Variants in KHDRBS2 observed in about 807,000 individuals in gnomAD.
KHDRBS2 encodes KH RNA binding domain containing, signal transduction associated 2.
KHDRBS2 carries 26 observed loss-of-function variants against 44.3 expected under a neutral mutation model. The ratio of observed to expected loss-of-function variants is 0.59; its 90% CI spans 0.43 to 0.81. KHDRBS2 has a LOEUF of 0.81. Among genes scored for constraint, KHDRBS2 ranks in the 40% least tolerant of loss-of-function variants. KHDRBS2 has a pLI of 0.00. For missense variants in KHDRBS2, 476 were observed against 433.1 expected, an observed-to-expected ratio of 1.10 and a Z score of -0.88; for synonymous variants, 194 against 151.1, an observed-to-expected ratio of 1.28 and a Z score of -2.08.
intron 2 of KHDRBS2, among the ~76,000 whole-genome samples, chr6:62,129,689 AAATT>A (rs1309575930): frequency 6.6e-6 from 1 of 152,150 alleles, no homozygotes; most frequent in Non-Finnish European, 1.5e-5. Context: ...ATTTAAATTT[AAATT>A]AATTGAATTA....
intron 7 of KHDRBS2, among the ~76,000 whole-genome samples, chr6:61,721,375 G>A (rs1772503944): frequency 6.6e-6 from 1 of 151,848 alleles, no homozygotes; most frequent in Admixed American, 6.6e-5. Flanking sequence ...CGGGCAGTAT[G>A]GCCATTTTCA....
the KHDRBS2 span, among the ~76,000 whole-genome samples, chr6:61,616,221 A>T: frequency 6.6e-6 from 1 of 152,124 alleles, no homozygotes; most frequent in African/African-American, 2.4e-5. Context: ...CAAAAGTGTA[A>T]CCAAACTTCC....
At chr6:62,119,944 G>A (rs1279892353) in intron 2 of KHDRBS2, among the ~76,000 whole-genome samples, 2 of 152,070 alleles carry the variant, frequency 1.3e-5, no homozygotes, top group Non-Finnish European at 2.9e-5. Context: ...GACCCACAAG[G>A]CAGTGCACTA....
chr6:61,786,576 A>G (rs1310743202), intron 6 of KHDRBS2, among the ~76,000 whole-genome samples: 2 of 152,008 alleles, frequency 1.3e-5, no homozygotes, highest in Non-Finnish European at 2.9e-5. Context: ...CAAAGTAACT[A>G]TGGAATCTGA....
chr6:62,106,075 C>T (rs957185339), intron 2 of KHDRBS2, among the ~76,000 whole-genome samples: 372 of 152,168 alleles, frequency 2.4e-3, no homozygotes, highest in Non-Finnish European at 3.9e-3. Flanking sequence ...AGTTTCCATG[C>T]AGTTGAGCAG....
intron 4 of KHDRBS2, 54 bp from the exon 5 acceptor site, chr6:61,901,425 GT>G: frequency 3.0e-5 from 38 of 1,266,258 alleles, no homozygotes; most frequent in Non-Finnish European, 3.7e-5. Flanking sequence ...CGTTCTCAGA[GT>G]TGGAAAAAAA....
intron 1 of KHDRBS2, among the ~76,000 whole-genome samples, chr6:62,213,914 T>C (rs1829550217): frequency 7.2e-6 from 1 of 138,472 alleles, no homozygotes; most frequent in Non-Finnish European, 1.6e-5. Flanking sequence ...GAATGAAGTA[T>C]CTTAGCCAAC....
At chr6:61,823,396 T>C (rs905145305) in intron 6 of KHDRBS2, among the ~76,000 whole-genome samples, 2 of 152,102 alleles carry the variant, frequency 1.3e-5, no homozygotes, top group African/African-American at 4.8e-5. Flanking sequence ...AGAATATCAT[T>C]GCTATTCTTT....
At chr6:62,120,124 C>T (rs993471885) in intron 2 of KHDRBS2, among the ~76,000 whole-genome samples, 4 of 152,110 alleles carry the variant, frequency 2.6e-5, no homozygotes, top group African/African-American at 9.7e-5. Flanking sequence ...TTTAATGTTG[C>T]AACTCATGGA....
chr6:61,795,888 T>C (rs1180898778), intron 6 of KHDRBS2, among the ~76,000 whole-genome samples: 1 of 152,108 alleles, frequency 6.6e-6, no homozygotes, highest in African/African-American at 2.4e-5. Context: ...TTTACTATCT[T>C]AGGATTCTCC....
At chr6:61,631,139 A>G in the KHDRBS2 span, among the ~76,000 whole-genome samples, 1 of 151,998 alleles carries the variant, frequency 6.6e-6, no homozygotes, top group African/African-American at 2.4e-5. Flanking sequence ...TGGCATCAGG[A>G]TCAGCAACAC....
At chr6:61,822,079 T>G (rs1038502318) in intron 6 of KHDRBS2, among the ~76,000 whole-genome samples, 5 of 152,028 alleles carry the variant, frequency 3.3e-5, no homozygotes, top group African/African-American at 1.2e-4. Context: ...TTTCAATGAC[T>G]TCCATAGCCA....
chr6:61,760,168 A>T (rs1222490000), intron 6 of KHDRBS2, among the ~76,000 whole-genome samples: 1 of 152,242 alleles, frequency 6.6e-6, no homozygotes. Context: ...TCCGGAAGAC[A>T]TTTTAGGGAA....
chr6:62,072,145 C>G (rs1317867793), intron 2 of KHDRBS2, among the ~76,000 whole-genome samples: 5 of 152,110 alleles, frequency 3.3e-5, no homozygotes, highest in Non-Finnish European at 5.9e-5. Context: ...CTCTGTTTGT[C>G]TGTTATTGGT....
rs1289013345 is a variant in KHDRBS2 at position 61,978,128 on chromosome 6, G to C, written c.421C>G (p.Pro141Ala). 6 of 1,611,694 alleles carry C rather than the reference G, an allele frequency of 3.7e-6. No individual in the cohort carries two copies. The highest frequency in any genetic ancestry group is 5.1e-6 in the Non-Finnish European group (6 of 1,178,646). The part of the protein sequence containing the change: ...LHVLIEVFAP[P>A]GEAYSRMSHA... Reference sequence around the variant, plus strand: ...CTCATACGTGAATAAGCTTCCCCAGGTGGAGCAAACACTTCAATTAATACA... The same window carrying C: ...CTCATACGTGAATAAGCTTCCCCAGCTGGAGCAAACACTTCAATTAATACA... Residue 141 changes from proline to alanine, a missense_variant, in exon 4 of 9, where the codon CCT becomes GCT. Coordinates refer to ENST00000281156, the MANE Select transcript of KHDRBS2 (RefSeq NM_152688.4).
the KHDRBS2 span, among the ~76,000 whole-genome samples, chr6:61,566,028 C>T: frequency 2.1e-5 from 3 of 139,634 alleles, no homozygotes; most frequent in African/African-American, 7.9e-5. Flanking sequence ...TGTGTGTGTG[C>T]ATGTGTGTGT....
intron 7 of KHDRBS2, among the ~76,000 whole-genome samples, chr6:61,711,244 T>C (rs1284629535): frequency 2.0e-5 from 3 of 151,880 alleles, no homozygotes; most frequent in Admixed American, 2.0e-4. Context: ...CCAGTCAATG[T>C]CAATTTAAGG....
chr6:62,114,554 A>G (rs1805761597), intron 2 of KHDRBS2, among the ~76,000 whole-genome samples: 1 of 152,170 alleles, frequency 6.6e-6, no homozygotes, highest in Admixed American at 6.6e-5. Context: ...TGTACAAATA[A>G]TATTCATCAT....
At chr6:61,559,178 G>T in the KHDRBS2 span, among the ~76,000 whole-genome samples, 1 of 151,946 alleles carries the variant, frequency 6.6e-6, no homozygotes, top group African/African-American at 2.4e-5. Context: ...GAACTATTTT[G>T]TCTTTTCCTA....
Sources: gnomAD v4.1 joint callset for allele counts (sites outside exome capture counted in the v4.1 genomes callset) on GRCh38, gnomAD v4.1.1 for gene constraint, MANE v1.5 for transcripts, NCBI Gene and HGNC (gene_info 2026-07-23, HGNC 2026-07-21) for gene names.